KCNB2: variants seen among roughly 807,000 people sequenced by gnomAD.
KCNB2 encodes the protein potassium voltage-gated channel subfamily B member 2, also known as delayed rectifier potassium channel protein.
In KCNB2, 15 loss-of-function variants were observed where a neutral mutation model predicts 61.5. That is an observed-to-expected ratio of 0.24 (90% CI 0.16 to 0.38). The LOEUF (loss-of-function observed/expected upper bound fraction) is 0.38, where lower values mean the gene tolerates loss of function less well. KCNB2 is among the 10% of genes least tolerant of loss of function. The pLI, the probability that KCNB2 is intolerant of heterozygous loss-of-function variation, is 1.00. For missense variants in KCNB2, 828 were observed against 1,125.2 expected, an observed-to-expected ratio of 0.74 and a Z score of 3.78; for synonymous variants, 457 against 446.0, an observed-to-expected ratio of 1.02 and a Z score of -0.31.
intron 2 of KCNB2, among the ~76,000 whole-genome samples, chr8:72,845,101 G>A (rs899865952): frequency 2.6e-5 from 4 of 152,082 alleles, no homozygotes; most frequent in African/African-American, 7.2e-5. Context: ...CTTTGATGCC[G>A]GTGACCTTTG....
intron 2 of KCNB2, among the ~76,000 whole-genome samples, chr8:72,895,885 AT>A (rs1805980743): frequency 6.6e-6 from 1 of 152,218 alleles, no homozygotes; most frequent in Admixed American, 6.5e-5. Context: ...ATTAAAAAAT[AT>A]TTAGGTTAAT....
chr8:72,657,869 G>A (rs148496330), intron 2 of KCNB2, among the ~76,000 whole-genome samples: 38 of 152,142 alleles, frequency 2.5e-4, no homozygotes, highest in East Asian at 1.9e-3. Flanking sequence ...TGATAATTTT[G>A]GGGGTGACAC....
At chr8:72,731,921 G>C (rs1433389823) in intron 2 of KCNB2, 1 of 152,196 alleles carries the variant, frequency 6.6e-6, no homozygotes, top group Non-Finnish European at 1.5e-5. Context: ...GCTGCCTAAA[G>C]ATTGTCTCTG....
At position 72,537,755 on chromosome 8, in the gene KCNB2, A is replaced by T. The variant is rs750662576; in HGVS notation, c.-224A>T. 8 of 151,796 alleles carry T rather than the reference A, an allele frequency of 5.3e-5. No individual in the cohort carries two copies. Among genetic ancestry groups the T allele is most frequent in the Non-Finnish European group, 1.2e-4 (8 of 68,038 alleles). The allele number at this position is 151,796 out of a possible 1,614,324, so 9.4% of individuals were successfully genotyped here. A position where few individuals can be genotyped will look rare whatever the true frequency, so the allele number is the denominator to read the frequency against. On this transcript the variant is annotated 5_prime_UTR_variant, in exon 1 of 3. Coordinates refer to ENST00000523207, the MANE Select transcript of KCNB2 (RefSeq NM_004770.3). ...CCTCCTCTCTGTGGAGGGGAGGGGG[A>T]TTTCCAGCGACAGGTCATTGGCGAA...
chr8:72,730,672 A>G (rs1807725209), intron 2 of KCNB2, among the ~76,000 whole-genome samples: 1 of 152,190 alleles, frequency 6.6e-6, no homozygotes, highest in Admixed American at 6.5e-5. Flanking sequence ...GAACCTCCAA[A>G]GATAAAATGG....
At position 72,936,988 on chromosome 8, in the gene KCNB2, A is replaced by G; in HGVS notation, c.1633A>G (p.Asn545Asp). ...TGCCCAGAAACTGGAGATGCTATAC[A>G]ATGAAATCACCAAGACACAGCCTCA... ...LSAQKLEMLYNEITKTQPHSH... is the reference protein window; with the variant it reads ...LSAQKLEMLYDEITKTQPHSH... Residue 545 changes from asparagine (N) to aspartate (D), a missense_variant, in exon 3 of 3, where the codon AAT becomes GAT. By Grantham distance (23) the Asn-to-Asp change is conservative. Around this residue, in one of 4 missense-constraint regions of KCNB2, gnomAD observed 559 missense variants for 588.4 expected, o/e 0.95. Transcript: ENST00000523207. The surrounding 1 kb of genome is among the most constrained non-coding windows in gnomAD (Gnocchi z 5.6). The G allele has an allele frequency of 6.2e-7, 1 of 1,614,154 alleles. No individual in the cohort carries two copies. Among genetic ancestry groups the G allele is most frequent in the Non-Finnish European group, 8.5e-7 (1 of 1,180,004 alleles).
chr8:72,722,483 G>A (rs766120991), intron 2 of KCNB2, among the ~76,000 whole-genome samples: 3 of 152,094 alleles, frequency 2.0e-5, no homozygotes, highest in Non-Finnish European at 2.9e-5. Flanking sequence ...CTTTGCATGC[G>A]CTGGGCCCTC....
At chr8:72,684,516 T>A (rs1331904733) in intron 2 of KCNB2, among the ~76,000 whole-genome samples, 4 of 152,092 alleles carry the variant, frequency 2.6e-5, no homozygotes, top group African/African-American at 9.7e-5. Flanking sequence ...AAGCAGGGTA[T>A]GAGGAAAGAA....
At chr8:72,614,353 A>G (rs1805585320) in intron 2 of KCNB2, among the ~76,000 whole-genome samples, 1 of 152,194 alleles carries the variant, frequency 6.6e-6, no homozygotes, top group Admixed American at 6.5e-5. Flanking sequence ...GGGTCAATGC[A>G]TGATGGTAGG....
chr8:72,938,117 A>G lies in KCNB2; in HGVS notation c.*26A>G, dbSNP rs1264808156. The G allele has an allele frequency of 1.4e-6, 2 of 1,474,748 alleles. No individual in the cohort carries two copies. Among genetic ancestry groups the G allele is most frequent in the Non-Finnish European group, 1.8e-6 (2 of 1,087,408 alleles). The allele number at this position is 1,474,748 out of a possible 1,614,324, so 91.4% of individuals were successfully genotyped here. ...CTAGTTACAAAAGCAATAAATTGAA[A>G]CAAAACAAAACAAAACAAAACTTGT... On this transcript the variant is annotated 3_prime_UTR_variant, in exon 3 of 3. Transcript: ENST00000523207.
chr8:72,932,400 G>A (rs1365044384), intron 2 of KCNB2, among the ~76,000 whole-genome samples: 6 of 152,156 alleles, frequency 3.9e-5, no homozygotes, highest in Non-Finnish European at 2.9e-5. Context: ...TAATCTAAAT[G>A]GGTCCAGGTG....
In KCNB2 at chr8:72,767,427, C is replaced by T. The variant is rs184021453; in HGVS notation, c.580-168508C>T. Among the ~76,000 whole-genome samples the T allele has an allele frequency of 1.8e-4, 28 of 152,282 alleles. 1 individual carries two copies. Among genetic ancestry groups the T allele is most frequent in the Admixed American group, 1.4e-3 (22 of 15,294 alleles). On this transcript the variant is annotated intron_variant, in intron 2 of 2. Coordinates refer to ENST00000523207, the MANE Select transcript of KCNB2 (RefSeq NM_004770.3). ...AAGAGTCACCTCATCCTCTCTCCCT[C>T]CCCAGCACTAGGTGACCACTAATCT...
intron 2 of KCNB2, among the ~76,000 whole-genome samples, chr8:72,889,165 T>C (rs1805855656): frequency 6.6e-6 from 1 of 152,138 alleles, no homozygotes; most frequent in Non-Finnish European, 1.5e-5. Context: ...TTGCACCACA[T>C]TGCATGGTTG....
chr8:72,575,279 T>G (rs1304718906), intron 2 of KCNB2, among the ~76,000 whole-genome samples: 5 of 120,544 alleles, frequency 4.1e-5, no homozygotes, highest in African/African-American at 1.3e-4. Context: ...GAGAATCTCA[T>G]AAGGATTGGT....
chr8:72,672,822 A>G (rs1038822548), intron 2 of KCNB2, among the ~76,000 whole-genome samples: 3 of 152,322 alleles, frequency 2.0e-5, no homozygotes, highest in Admixed American at 2.0e-4. Flanking sequence ...TATAACTTAT[A>G]TCATGCATGC....
intron 2 of KCNB2, among the ~76,000 whole-genome samples, chr8:72,644,516 A>G (rs1350476231): frequency 6.6e-6 from 1 of 152,158 alleles, no homozygotes; most frequent in Non-Finnish European, 1.5e-5. Flanking sequence ...CTGTAGCTTT[A>G]GAAAAGCCTT....
intron 1 of KCNB2, among the ~76,000 whole-genome samples, chr8:72,561,746 T>C (rs76038670): frequency 0.25 from 9,187 of 37,138 alleles, 2,099 homozygotes; most frequent in East Asian, 0.7. Flanking sequence ...TATATATATA[T>C]GTATATATAT....
intron 2 of KCNB2, among the ~76,000 whole-genome samples, chr8:72,664,856 G>A (rs1236910657): frequency 6.6e-6 from 1 of 152,192 alleles, no homozygotes; most frequent in East Asian, 1.9e-4. Context: ...GTTTAAGTAA[G>A]GTTATCAGGG....
At chr8:72,568,420 T>C (rs949630269) in intron 2 of KCNB2, 107 bp downstream of exon 2, 46 of 916,158 alleles carry the variant, frequency 5.0e-5, no homozygotes, top group Admixed American at 2.7e-5. Flanking sequence ...GAACAAAGTG[T>C]GGCTACACAG....
Sources: gnomAD v4.1 joint callset for allele counts (sites outside exome capture counted in the v4.1 genomes callset) on GRCh38, gnomAD v4.1.1 for gene constraint, gnomAD v4.1.1 regional missense constraint, Gnocchi (gnomAD v3.1) non-coding constraint, MANE v1.5 for transcripts, NCBI Gene and HGNC (gene_info 2026-07-23, HGNC 2026-07-21) for gene names.